PARP12: variants seen among roughly 807,000 people sequenced by gnomAD.
The protein encoded by PARP12 is protein mono-ADP-ribosyltransferase PARP12.
Under a neutral mutation model 72.4 loss-of-function variants are expected in PARP12, and 59 were observed. That is an observed-to-expected ratio of 0.81 (90% CI 0.66 to 1.01). The LOEUF (loss-of-function observed/expected upper bound fraction) is 1.01. Ranked by LOEUF, PARP12 falls within the 50% of genes least tolerant of loss-of-function variation. PARP12 has a pLI of 0.00. For synonymous variants in PARP12, 403 were observed against 371.4 expected (o/e 1.09, Z -0.98); for missense variants, 851 against 914.0 (o/e 0.93, Z 0.89).
At chr7:140,033,145 G>A (rs1337183801) in intron 8 of PARP12, 5 of 973,456 alleles carry the variant, frequency 5.1e-6, no homozygotes, top group Admixed American at 6.2e-5. Context: ...TACCCGCCTC[G>A]GCCTCTTGAA....
At chr7:140,046,850 G>T in intron 5 of PARP12, 34 bp downstream of exon 5, 2 of 1,514,452 alleles carry the variant, frequency 1.3e-6, no homozygotes, top group Non-Finnish European at 1.8e-6. Flanking sequence ...CAGAAGCCCA[G>T]GCACAAAGCA....
Position 140,028,448 on chromosome 7 carries a change from AAAAAAC to A in PARP12, c.1497+159_1497+164del. ...GTGGTGAAAAAACAAAACCCTCTGC[AAAAAAC>A]AAAAACAAAAATAAAGCCCACATCT... is the stretch of plus-strand genomic sequence containing the variant. On this transcript the variant is annotated intron_variant, in intron 9 of 11. Transcript: ENST00000263549. 1.3e-5 allele frequency among the ~76,000 whole-genome samples: 2 copies of A among 152,186 alleles called. 1 individual carries two copies. Among genetic ancestry groups the A allele is most frequent in the Non-Finnish European group, 2.9e-5 (2 of 68,040 alleles).
At chr7:140,025,120 A>C in intron 11 of PARP12, 1 of 541,998 alleles carries the variant, frequency 1.8e-6, no homozygotes, top group Non-Finnish European at 3.3e-6. Flanking sequence ...TGAGATAGCA[A>C]ATTCCTTTCA....
At chr7:140,037,620 C>T in intron 7 of PARP12, 95 bp downstream of exon 7, 10 of 1,535,906 alleles carry the variant, frequency 6.5e-6, no homozygotes, top group Non-Finnish European at 8.9e-6. Context: ...CCCACCCAGG[C>T]CCTCAGTATG....
chr7:140,055,514 T>G (rs1026436461), intron 3 of PARP12, among the ~76,000 whole-genome samples: 1 of 152,196 alleles, frequency 6.6e-6, no homozygotes, highest in African/African-American at 2.4e-5. Flanking sequence ...AATCCCTATT[T>G]AGTGTCACCT....
chr7:140,061,132 C>T (rs757566584), intron 1 of PARP12, among the ~76,000 whole-genome samples: 1 of 152,318 alleles, frequency 6.6e-6, no homozygotes, highest in Non-Finnish European at 1.5e-5. Context: ...TACTTCCAGA[C>T]AGCTGCTTCC....
intron 4 of PARP12, among the ~76,000 whole-genome samples, chr7:140,050,086 G>C (rs1203418813): frequency 6.6e-6 from 1 of 152,050 alleles, no homozygotes; most frequent in East Asian, 1.9e-4. Flanking sequence ...ACCATCAAAA[G>C]ACCAGAATTA....
intron 10 of PARP12, 145 bp downstream of exon 10, chr7:140,027,131 G>T: frequency 1.7e-6 from 2 of 1,159,502 alleles, no homozygotes; most frequent in Non-Finnish European, 1.2e-6. Context: ...GGGAGCGGAC[G>T]AAGGAGAGCA....
At chr7:140,060,934 C>A (rs1286166907) in intron 1 of PARP12, among the ~76,000 whole-genome samples, 1 of 152,224 alleles carries the variant, frequency 6.6e-6, no homozygotes, top group Admixed American at 6.5e-5. Flanking sequence ...AAGCTTCTGA[C>A]CTGAACAGCT....
At chr7:140,059,939 G>C (rs973132154) in intron 1 of PARP12, among the ~76,000 whole-genome samples, 2 of 152,212 alleles carry the variant, frequency 1.3e-5, no homozygotes, top group African/African-American at 4.8e-5. Flanking sequence ...GGAGGAGACA[G>C]CAAGAGAAAG....
intron 3 of PARP12, 88 bp downstream of exon 3, chr7:140,056,768 C>G: frequency 7.3e-7 from 1 of 1,361,602 alleles, no homozygotes; most frequent in South Asian, 1.4e-5. Context: ...GTCACACATT[C>G]CATGTAATGG....
intron 5 of PARP12, among the ~76,000 whole-genome samples, chr7:140,042,835 GGTAGCAGTTCTCAGA>G (rs1816543922): frequency 6.6e-6 from 1 of 152,156 alleles, no homozygotes; most frequent in South Asian, 2.1e-4. Flanking sequence ...GACCACCCAG[GGTAGCAGTTCTCAGA>G]GAAGCAAACA....
intron 1 of PARP12, among the ~76,000 whole-genome samples, 181 bp from the exon 2 acceptor site, chr7:140,058,215 T>C (rs1466905970): frequency 2.0e-5 from 3 of 152,048 alleles, no homozygotes; most frequent in South Asian, 2.1e-4. Flanking sequence ...CTACTGTCCT[T>C]ATAAGAAGAG....
Position 140,057,941 on chromosome 7 carries a change from T to G in PARP12, c.420A>C (p.Leu140=), listed in dbSNP as rs1263151343. 4 of 1,614,140 alleles carry G rather than the reference T, an allele frequency of 2.5e-6. No homozygotes were observed. Among genetic ancestry groups the G allele is most frequent in the Non-Finnish European group, 2.5e-6 (3 of 1,180,034 alleles). The change falls in exon 2 of 12, where the codon CTA becomes CTC. Residue 140 remains leucine, a synonymous_variant. Coordinates refer to ENST00000263549, the MANE Select transcript of PARP12 (RefSeq NM_022750.4). ...HGVDHLSYNE[L]CQLLFQNDPW... is the part of the protein sequence containing the mutation. ...GGTCGTTCTGAAACAAGAGTTGGCATAGCTCATTATAGCTCAGGTGGTCAA... is the reference window on the plus strand; with the variant it reads ...GGTCGTTCTGAAACAAGAGTTGGCAGAGCTCATTATAGCTCAGGTGGTCAA...
chr7:140,053,560 A>G (rs907434901), intron 4 of PARP12, among the ~76,000 whole-genome samples: 11 of 152,348 alleles, frequency 7.2e-5, no homozygotes, highest in African/African-American at 2.6e-4. Flanking sequence ...TACATTTAAA[A>G]TGGTACACTT....
intron 1 of PARP12, among the ~76,000 whole-genome samples, chr7:140,059,993 A>G (rs1817373986): frequency 6.6e-6 from 1 of 152,270 alleles, no homozygotes; most frequent in African/African-American, 2.4e-5. Context: ...GTGCTGCCAG[A>G]GCCAAATATA....
At chr7:140,034,182 A>C (rs968800454) in intron 8 of PARP12, 53 bp downstream of exon 8, 20 of 1,589,638 alleles carry the variant, frequency 1.3e-5, no homozygotes, top group Non-Finnish European at 1.7e-5. Context: ...ACCACTGCAG[A>C]GCACACCCCA....
At chr7:140,055,257 T>C (rs531342194) in intron 3 of PARP12, among the ~76,000 whole-genome samples, 6 of 152,284 alleles carry the variant, frequency 3.9e-5, no homozygotes, top group South Asian at 4.1e-4. Context: ...TGAAGCTATA[T>C]AGCAAACATT....
chr7:140,026,130 A>G, intron 11 of PARP12, 67 bp downstream of exon 11: 10 of 1,611,364 alleles, frequency 6.2e-6, no homozygotes, highest in Non-Finnish European at 6.8e-6. Flanking sequence ...CATGCCCTCT[A>G]GCAGTCTGTT....
Sources: allele counts gnomAD v4.1 joint callset (sites outside exome capture counted in the v4.1 genomes callset), GRCh38; gene constraint gnomAD v4.1.1; transcripts MANE v1.5; gene names NCBI Gene and HGNC (gene_info 2026-07-23, HGNC 2026-07-21).